The following PCDHGB4 variants were observed in gnomAD, a reference collection of about 807,000 sequenced individuals.
PCDHGB4 encodes protocadherin gamma subfamily B, 4, also known as protocadherin gamma-B4.
A neutral mutation model predicts 60.5 loss-of-function variants in PCDHGB4; 38 were observed. That is an observed-to-expected ratio of 0.63 (90% CI 0.48 to 0.82). The LOEUF is 0.82. Ranked by LOEUF, PCDHGB4 falls within the 40% of genes least tolerant of loss-of-function variation. The probability of loss-of-function intolerance (pLI) is 0.00; values close to 1 mark genes in which losing one functional copy is unlikely to be tolerated. For missense variants in PCDHGB4, 1,109 were observed against 1,209.6 expected, an observed-to-expected ratio of 0.92 and a Z score of 1.23; for synonymous variants, 456 against 509.7, an observed-to-expected ratio of 0.89 and a Z score of 1.42.
At position 141,502,349 on chromosome 5, in the gene PCDHGB4, T is replaced by C. The variant is rs369766657; in HGVS notation, c.2457-3044T>C. 1.3e-3 allele frequency among the ~76,000 whole-genome samples: 200 copies of C among 152,292 alleles called. 3 individuals carry two copies. In the South Asian group the frequency reaches 0.034, roughly 26 times the overall value. On this transcript the variant is annotated intron_variant, in intron 2 of 3. Transcript: ENST00000519479. ...GCTCCCAGTCTTTTTATTTTTTTAA[T>C]GACATGGATATTTTTAAAGAGTCCA...
At chr5:141,430,396 A>G (rs1433813025) in intron 1 of PCDHGB4, among the ~76,000 whole-genome samples, 5 of 151,842 alleles carry the variant, frequency 3.3e-5, no homozygotes, top group Non-Finnish European at 7.4e-5. Context: ...AAAAAAAAAA[A>G]GCTCACTAAA....
At chr5:141,429,912 A>G (rs1341795921) in intron 1 of PCDHGB4, among the ~76,000 whole-genome samples, 2 of 152,234 alleles carry the variant, frequency 1.3e-5, no homozygotes, top group Admixed American at 1.3e-4. Flanking sequence ...TTGAAATATA[A>G]TGTATTAATA....
rs769671283 is a variant in PCDHGB4, at chr5:141,511,391, C to T, written c.*218C>T. On this transcript the variant is annotated 3_prime_UTR_variant, in exon 4 of 4. Transcript: ENST00000519479. Reference sequence around the variant, plus strand: ...TGCAAAAGCAGTTCCGCTGGGAACCCCCATCCAATCAACTGCTGTACCCAT... The same window carrying T: ...TGCAAAAGCAGTTCCGCTGGGAACCTCCATCCAATCAACTGCTGTACCCAT... The T allele has an allele frequency of 6.4e-5, 69 of 1,079,630 alleles. No individual in the cohort carries two copies. The highest frequency in any genetic ancestry group is 1.5e-4 in the Admixed American group (5 of 34,354). 66.9% of individuals were successfully genotyped at this position (1,079,630 alleles called of 1,614,324 possible). A position where few individuals can be genotyped will look rare whatever the true frequency, so the allele number is the denominator to read the frequency against.
intron 1 of PCDHGB4, chr5:141,420,067 A>C (rs2096463342): frequency 6.2e-7 from 1 of 1,614,034 alleles, no homozygotes; most frequent in Non-Finnish European, 8.5e-7. Flanking sequence ...CCAAGTCCGG[A>C]CCTGTGGGTC....
intron 1 of PCDHGB4, among the ~76,000 whole-genome samples, chr5:141,453,061 T>G (rs1351911724): frequency 6.6e-6 from 1 of 152,102 alleles, no homozygotes; most frequent in Non-Finnish European, 1.5e-5. Context: ...AGTTTTAGAG[T>G]TTTGCCACAC....
chr5:141,395,439 A>G, intron 1 of PCDHGB4: 1 of 679,568 alleles, frequency 1.5e-6, no homozygotes, highest in Non-Finnish European at 2.3e-6. Context: ...AACGACTTGG[A>G]AAAGATTGTT....
chr5:141,475,080 C>T (rs963278755), intron 1 of PCDHGB4, among the ~76,000 whole-genome samples: 3 of 152,128 alleles, frequency 2.0e-5, no homozygotes, highest in South Asian at 4.1e-4. Flanking sequence ...GCCATTATTT[C>T]AATAATTTTA....
chr5:141,399,813 G>T (rs985564503), intron 1 of PCDHGB4: 1 of 1,613,080 alleles, frequency 6.2e-7, no homozygotes, highest in Admixed American at 1.7e-5. Flanking sequence ...TGTACCCCGC[G>T]CTGGGTCCCG....
At chr5:141,481,587 G>A (rs1276529821) in intron 1 of PCDHGB4, among the ~76,000 whole-genome samples, 1 of 152,198 alleles carries the variant, frequency 6.6e-6, no homozygotes, top group African/African-American at 2.4e-5. Context: ...GGAGGCTGAG[G>A]CCAGCGGATC....
intron 1 of PCDHGB4, chr5:141,415,362 G>A (rs769596449): frequency 4.3e-6 from 7 of 1,614,126 alleles, no homozygotes; most frequent in African/African-American, 1.3e-5. Context: ...CACGCCTGCT[G>A]CAGGCTTCAG....
In PCDHGB4 at chr5:141,485,848, C is replaced by A; in HGVS notation, c.2398-8959C>A. The stretch of plus-strand genomic sequence containing the variant: ...GAGGGAACCCGCCGAGATCTGGCAC[C>A]GCAGAGCTCCGGGTATCCGTGCTGG... On this transcript the variant is annotated intron_variant, in intron 1 of 3. Transcript: ENST00000519479. This position sits in a 1 kb window ranked among gnomAD's most constrained non-coding sequence, Gnocchi z 5.7. 1 of 1,614,192 alleles carries A rather than the reference C, an allele frequency of 6.2e-7. No homozygotes were observed. The highest frequency in any genetic ancestry group is 8.5e-7 in the Non-Finnish European group (1 of 1,180,020).
intron 1 of PCDHGB4, among the ~76,000 whole-genome samples, chr5:141,429,377 GT>G (rs566693637): frequency 1.3e-4 from 20 of 149,526 alleles, no homozygotes; most frequent in South Asian, 8.5e-4. Flanking sequence ...GAGAAAATGT[GT>G]TTTTTTTTTA....
At position 141,388,514 on chromosome 5, in the gene PCDHGB4, GA is replaced by G. The variant is rs1218773677; in HGVS notation, c.631del (p.Thr211LeufsTer2). ...GAGAAAAGCAGAAATCCTACCACTTGACTTTGACTGCCTTGGACTTTGGAGC... is the reference window on the plus strand; with the variant it reads ...GAGAAAAGCAGAAATCCTACCACTTGCTTTGACTGCCTTGGACTTTGGAGC... ...DREKQKSYHL[T>X]LTALDFGAPP... On this transcript the variant is annotated frameshift_variant, in exon 1 of 4. Coordinates refer to ENST00000519479, the MANE Select transcript of PCDHGB4 (RefSeq NM_003736.4). LOFTEE classifies it high-confidence loss of function. 2.0e-5 allele frequency: 33 copies of G among 1,613,840 alleles called. No individual in the cohort carries two copies. Among genetic ancestry groups the G allele is most frequent in the Non-Finnish European group, 2.8e-5 (33 of 1,179,900 alleles).
At chr5:141,417,340 C>T (rs981474163) in intron 1 of PCDHGB4, 2 of 152,874 alleles carry the variant, frequency 1.3e-5, no homozygotes, top group African/African-American at 4.8e-5. Context: ...GATAGGAGAC[C>T]TATAAACCTT....
intron 1 of PCDHGB4, among the ~76,000 whole-genome samples, chr5:141,433,449 T>C (rs2097611087): frequency 6.6e-6 from 1 of 152,068 alleles, no homozygotes; most frequent in Non-Finnish European, 1.5e-5. Context: ...TTGAGCAGGC[T>C]GATCTGAAAC....
In PCDHGB4 at chr5:141,389,276, G is replaced by T. The variant is rs375882135; in HGVS notation, c.1392G>T (p.Pro464=). ...SYIVHVAENN[P]PGASISQVRA... ...TAGTCCACGTGGCCGAGAACAACCC[G>T]CCTGGAGCCTCTATTTCACAAGTCA... The change falls in exon 1 of 4, where the codon CCG becomes CCT. Residue 464 remains proline, a synonymous_variant. Transcript: ENST00000519479. 4 of 1,613,858 alleles carry T rather than the reference G, an allele frequency of 2.5e-6. No homozygotes were observed. Among genetic ancestry groups the T allele is most frequent in the South Asian group, 2.2e-5 (2 of 91,084 alleles).
intron 1 of PCDHGB4, among the ~76,000 whole-genome samples, chr5:141,447,650 T>G (rs555134653): frequency 1.3e-5 from 2 of 151,988 alleles, no homozygotes; most frequent in Non-Finnish European, 2.9e-5. Flanking sequence ...GGTAGAATTT[T>G]CCCCCCCAGG....
intron 1 of PCDHGB4, chr5:141,428,358 G>C: frequency 1.8e-6 from 1 of 565,492 alleles, no homozygotes; most frequent in South Asian, 1.9e-5. Context: ...TGATTTTGGC[G>C]GTCGCCTTGC....
chr5:141,460,275 A>G (rs2154566824), intron 1 of PCDHGB4, among the ~76,000 whole-genome samples: 1 of 152,098 alleles, frequency 6.6e-6, no homozygotes, highest in East Asian at 1.9e-4. Context: ...TTTTTCTTTT[A>G]TAGTTTGTAT....
Sources: gnomAD v4.1 joint callset for allele counts (sites outside exome capture counted in the v4.1 genomes callset) on GRCh38, gnomAD v4.1.1 for gene constraint, Gnocchi (gnomAD v3.1) non-coding constraint, MANE v1.5 for transcripts, NCBI Gene and HGNC (gene_info 2026-07-23, HGNC 2026-07-21) for gene names.